Variants in KATNAL2 observed in about 807,000 individuals in gnomAD.
KATNAL2 encodes the protein katanin catalytic subunit A1 like 2, also known as katanin p60 ATPase-containing subunit A-like 2.
Under a neutral mutation model 76.3 loss-of-function variants are expected in KATNAL2, and 52 were observed. That is an observed-to-expected ratio of 0.68 (90% CI 0.55 to 0.86). The LOEUF (loss-of-function observed/expected upper bound fraction) is 0.86. Among genes scored for constraint, KATNAL2 ranks in the 40% least tolerant of loss-of-function variants. The pLI is 0.00. For missense variants in KATNAL2, 660 were observed against 668.9 expected (o/e 0.99, Z 0.15); for synonymous variants, 243 against 244.2 (o/e 1.00, Z 0.05).
chr18:47,042,044 A>AT (rs377658862), intron 3 of KATNAL2, among the ~76,000 whole-genome samples: 104 of 147,842 alleles, frequency 7.0e-4, no homozygotes, highest in African/African-American at 1.8e-3. Context: ...TTTTAAGTGG[A>AT]TTTTTTTTTT....
rs2063376162 is a variant in KATNAL2, at chr18:47,099,323, T to C, written c.1292T>C (p.Met431Thr). 1 of 1,614,142 alleles carries C rather than the reference T, an allele frequency of 6.2e-7. No homozygotes were observed. Among genetic ancestry groups the C allele is most frequent in the Non-Finnish European group, 8.5e-7 (1 of 1,179,986 alleles). ...CCCAGCCGGGAGGCCAGGCAGGCCA[T>C]GATCTACCACTGGCTGCCTCCTGTG... ...DLPSREARQA[M>T]IYHWLPPVSK... is the part of the protein sequence containing the mutation. Residue 431 changes from methionine (M) to threonine (T), a missense_variant, in exon 16 of 18, where the codon ATG (methionine) becomes ACG (threonine). Coordinates refer to ENST00000683218, the MANE Select transcript of KATNAL2 (RefSeq NM_001387690.1).
chr18:47,093,411 T>C (rs903177388), intron 15 of KATNAL2, among the ~76,000 whole-genome samples: 1 of 151,898 alleles, frequency 6.6e-6, no homozygotes, highest in African/African-American at 2.4e-5. Context: ...CTTTTTTTTT[T>C]TTTTTTTGAT....
chr18:46,951,903 A>C (rs1428047722), intron 3 of KATNAL2, among the ~76,000 whole-genome samples: 1 of 151,834 alleles, frequency 6.6e-6, no homozygotes, highest in Non-Finnish European at 1.5e-5. Context: ...CCTCCCAAGT[A>C]GTTAGGATTA....
rs757957100 is a variant in KATNAL2, at chr18:47,035,294, C to T, written c.52-11163C>T. ...CCAGAGCTGTGCAGGCGTCGCTGTC[C>T]CGGCGGTCGCAGCTCTGTCTTTGGG... On this transcript the variant is annotated intron_variant, in intron 3 of 17. Transcript: ENST00000683218. 2.5e-6 allele frequency: 4 copies of T among 1,611,772 alleles called. No individual in the cohort carries two copies. The Admixed American group carries it at 5.0e-5, about 20-fold the overall frequency.
chr18:47,066,848 TA>T (rs2061815047), intron 10 of KATNAL2, among the ~76,000 whole-genome samples, 172 bp from the exon 11 acceptor site: 5 of 14,898 alleles, frequency 3.4e-4, no homozygotes, highest in Admixed American at 8.1e-4. Context: ...TATATGTGTT[TA>T]TATATATATA....
At chr18:47,073,784 C>T (rs1408605328) in intron 13 of KATNAL2, among the ~76,000 whole-genome samples, 2 of 152,172 alleles carry the variant, frequency 1.3e-5, no homozygotes, top group Non-Finnish European at 2.9e-5. Flanking sequence ...ATTTAACTTC[C>T]TCCAGGTTCC....
chr18:47,060,417 C>A (rs530711016), intron 8 of KATNAL2, among the ~76,000 whole-genome samples: 1 of 152,276 alleles, frequency 6.6e-6, no homozygotes, highest in Admixed American at 6.5e-5. Context: ...TCAGTTGATA[C>A]AGGGTTGATT....
Position 47,058,413 on chromosome 18 carries a change from A to G in KATNAL2, c.450+61A>G, listed in dbSNP as rs147921308. ...ACTTGGCTGAAAAATAGCCCTATGA[A>G]AAAGGTCACATTTATTTATTTTTTG... On this transcript the variant is annotated intron_variant, in intron 7 of 17. Transcript: ENST00000683218. 2.1e-3 allele frequency: 1,944 copies of G among 913,264 alleles called. 3 individuals carry two copies. Among genetic ancestry groups the G allele is most frequent in the Non-Finnish European group, 3.0e-3 (1,706 of 563,378 alleles). The allele number at this position is 913,264 out of a possible 1,614,324, so 56.6% of individuals were successfully genotyped here.
chr18:47,075,442 T>C, intron 14 of KATNAL2, 74 bp downstream of exon 14: 1 of 1,132,612 alleles, frequency 8.8e-7, no homozygotes, highest in South Asian at 2.5e-5. Flanking sequence ...TGTTTGATGG[T>C]CGGAAGCCTA....
At chr18:47,053,535 G>T (rs557810109) in intron 5 of KATNAL2, among the ~76,000 whole-genome samples, 1 of 152,296 alleles carries the variant, frequency 6.6e-6, no homozygotes, top group Admixed American at 6.5e-5. Flanking sequence ...ACCCAGTATA[G>T]GTTAGCAGTC....
intron 3 of KATNAL2, among the ~76,000 whole-genome samples, chr18:47,036,821 A>C (rs1388193026): frequency 6.6e-6 from 1 of 152,182 alleles, no homozygotes; most frequent in Admixed American, 6.5e-5. Context: ...CATTGTATTA[A>C]ATTCAATAAA....
intron 3 of KATNAL2, among the ~76,000 whole-genome samples, chr18:47,031,919 G>A (rs1010296024): frequency 1.3e-5 from 2 of 152,124 alleles, no homozygotes; most frequent in Admixed American, 1.3e-4. Flanking sequence ...TCTGGCATAC[G>A]TTCCTTTGAT....
At chr18:47,096,215 G>A (rs759427514) in intron 15 of KATNAL2, among the ~76,000 whole-genome samples, 1 of 152,068 alleles carries the variant, frequency 6.6e-6, no homozygotes, top group Admixed American at 6.6e-5. Flanking sequence ...AGTTTAAAAA[G>A]AAATATTGTA....
intron 3 of KATNAL2, among the ~76,000 whole-genome samples, chr18:46,961,057 A>G (rs1031538010): frequency 4.6e-5 from 7 of 152,264 alleles, no homozygotes; most frequent in Non-Finnish European, 7.3e-5. Flanking sequence ...GGCTACATGC[A>G]TTAGCTAATA....
rs186292854 is a variant in KATNAL2 at position 46,956,849 on chromosome 18, C to T, written c.51+9926C>T. Among the ~76,000 whole-genome samples the T allele has an allele frequency of 3.4e-3, 524 of 152,018 alleles. 1 individual carries two copies. The highest frequency in any genetic ancestry group is 0.01 in the African/African-American group (425 of 41,450). On this transcript the variant is annotated intron_variant, in intron 3 of 17. Coordinates refer to ENST00000683218, the MANE Select transcript of KATNAL2 (RefSeq NM_001387690.1). ...CCTGAGGTCAGGAGTTCCAGACCAT[C>T]CTGACCAATATGATGAAACCCCATC...
intron 1 of KATNAL2, among the ~76,000 whole-genome samples, chr18:46,945,352 A>T (rs928342204): frequency 1.3e-5 from 2 of 152,254 alleles, no homozygotes; most frequent in Non-Finnish European, 2.9e-5. Context: ...TTAGAAGAAA[A>T]CGCCATTGAG....
intron 15 of KATNAL2, among the ~76,000 whole-genome samples, chr18:47,096,825 T>A (rs1178931481): frequency 6.6e-6 from 1 of 152,062 alleles, no homozygotes; most frequent in Admixed American, 6.5e-5. Flanking sequence ...TCATAATAAC[T>A]CCAAATAATG....
intron 4 of KATNAL2, among the ~76,000 whole-genome samples, chr18:47,047,044 C>T (rs988894807): frequency 4.6e-5 from 7 of 152,104 alleles, no homozygotes; most frequent in African/African-American, 1.7e-4. Context: ...TCCCAGCCTC[C>T]CCAGTAGCTG....
At chr18:47,081,538 C>T (rs983402108) in intron 15 of KATNAL2, among the ~76,000 whole-genome samples, 1 of 152,132 alleles carries the variant, frequency 6.6e-6, no homozygotes, top group South Asian at 2.1e-4. Flanking sequence ...GGTTTCAATA[C>T]CCAAAAGCCA....
Sources: allele counts gnomAD v4.1 joint callset (sites outside exome capture counted in the v4.1 genomes callset), GRCh38; gene constraint gnomAD v4.1.1; transcripts MANE v1.5; gene names NCBI Gene and HGNC (gene_info 2026-07-23, HGNC 2026-07-21).